KIF13B: variants seen among roughly 807,000 people sequenced by gnomAD.
KIF13B encodes the protein kinesin-like protein KIF13B.
Under a neutral mutation model 222.0 loss-of-function variants are expected in KIF13B, and 127 were observed. That is an observed-to-expected ratio of 0.57 (90% CI 0.50 to 0.66). The LOEUF (loss-of-function observed/expected upper bound fraction) is 0.66. KIF13B is among the 30% of genes least tolerant of loss of function. KIF13B has a pLI of 0.00. For synonymous variants in KIF13B, 976 were observed against 919.0 expected, an observed-to-expected ratio of 1.06 and a Z score of -1.12; for missense variants, 2,173 against 2,379.0, an observed-to-expected ratio of 0.91 and a Z score of 1.80.
At chr8:29,163,406 A>T (rs989650754) in intron 12 of KIF13B, among the ~76,000 whole-genome samples, 4 of 152,208 alleles carry the variant, frequency 2.6e-5, no homozygotes, top group Non-Finnish European at 1.5e-5. Context: ...GGACCCATGG[A>T]GAACCCAGCT....
chr8:29,134,440 T>C (rs1586823931), intron 21 of KIF13B, among the ~76,000 whole-genome samples: 1 of 152,172 alleles, frequency 6.6e-6, no homozygotes, highest in Non-Finnish European at 1.5e-5. Context: ...ACTACAGAGG[T>C]GGACGTTGTA....
rs1420894873 is a variant in KIF13B at position 29,132,357 on chromosome 8, G to C, written c.2893C>G (p.Leu965Val). 3 of 1,591,654 alleles carry C rather than the reference G, an allele frequency of 1.9e-6. No homozygotes were observed. Among genetic ancestry groups the C allele is most frequent in the African/African-American group, 2.7e-5 (2 of 73,696 alleles). Residue 965 changes from leucine (L) to valine (V), a missense_variant, in exon 23 of 40, where the codon CTG becomes GTG. Physicochemically the swap from Leu to Val is conservative, Grantham distance 32. This residue lies in a region of KIF13B where 1,480 missense variants were observed against 1,722.8 expected (regional missense o/e 0.86). Coordinates refer to ENST00000524189, the MANE Select transcript of KIF13B (RefSeq NM_015254.4). ...GCTTGGATGATTCCCAAATCCCACAGGGCGGGGTTTTTCCGGGGATCGTTT... is the reference window on the plus strand; with the variant it reads ...GCTTGGATGATTCCCAAATCCCACACGGCGGGGTTTTTCCGGGGATCGTTT... ...KINDPRKNPA[L>V]WDLGIIQAKT...
intron 1 of KIF13B, among the ~76,000 whole-genome samples, chr8:29,257,981 T>C (rs1385219082): frequency 6.6e-6 from 1 of 152,232 alleles, no homozygotes; most frequent in Admixed American, 6.5e-5. Flanking sequence ...AATGTTGTAA[T>C]ACATGTGTGT....
intron 25 of KIF13B, among the ~76,000 whole-genome samples, chr8:29,126,895 G>T (rs992211252): frequency 3.3e-5 from 5 of 152,114 alleles, no homozygotes; most frequent in African/African-American, 1.2e-4. Context: ...ATCTATGAAG[G>T]CTGAGACGTT....
At chr8:29,199,119 A>G (rs1813572164) in intron 2 of KIF13B, among the ~76,000 whole-genome samples, 1 of 148,118 alleles carries the variant, frequency 6.8e-6, no homozygotes, top group Non-Finnish European at 1.5e-5. Context: ...CGAAAATTAA[A>G]AAAAAAAGAC....
At chr8:29,243,114 A>C (rs1274914019) in intron 2 of KIF13B, among the ~76,000 whole-genome samples, 1 of 152,124 alleles carries the variant, frequency 6.6e-6, no homozygotes, top group Non-Finnish European at 1.5e-5. Context: ...TGGGAGGCAA[A>C]GGCAGGCGGA....
intron 2 of KIF13B, among the ~76,000 whole-genome samples, chr8:29,211,547 G>C (rs1321140661): frequency 2.0e-5 from 3 of 152,238 alleles, no homozygotes; most frequent in Non-Finnish European, 4.4e-5. Context: ...AAGCAATGCA[G>C]AGGGAGAACT....
rs912108136 is a variant in KIF13B, at chr8:29,122,549, A to C, written c.3535+42T>G. On this transcript the variant is annotated intron_variant, in intron 29 of 39. Coordinates refer to ENST00000524189, the MANE Select transcript of KIF13B (RefSeq NM_015254.4). ...GAATCTACATGTTATGTAGGCACTA[A>C]ATTTTCAGAGGTAAGCCTTCAGAAA... 1.9e-6 allele frequency: 3 copies of C among 1,542,594 alleles called. No homozygotes were observed. In the African/African-American group the frequency reaches 4.1e-5, roughly 21 times the overall value.
rs576152038 is a variant in KIF13B, at chr8:29,169,241, T to C, written c.946-1656A>G. ...TGTGAGTTCGATTTATCACAGAGCC[T>C]GGTTTTATCGGTGAGAAAACAGGTT... On this transcript the variant is annotated intron_variant, in intron 10 of 39. Coordinates refer to ENST00000524189, the MANE Select transcript of KIF13B (RefSeq NM_015254.4). Among the ~76,000 whole-genome samples the C allele has an allele frequency of 2.6e-5, 4 of 152,364 alleles. No individual in the cohort carries two copies. The South Asian group carries it at 8.3e-4, about 32-fold the overall frequency.
upstream of KIF13B, chr8:29,263,183 C>G (rs1462250624): frequency 3.0e-6 from 2 of 657,580 alleles, no homozygotes; most frequent in South Asian, 4.2e-5. Flanking sequence ...GGGCGCTCCC[C>G]GCTGTATGGC....
chr8:29,071,621 T>C lies in KIF13B; in HGVS notation c.5217A>G (p.Ser1739=). The change falls in exon 39 of 40, where the codon TCA becomes TCG. Residue 1739 remains serine, a splice_region_variant and synonymous_variant. Coordinates refer to ENST00000524189, the MANE Select transcript of KIF13B (RefSeq NM_015254.4). This position sits in a 1 kb window ranked among gnomAD's most constrained non-coding sequence, Gnocchi z 4.9. ...TWVGVELDLP[S]GKNDGSIGGK... is the part of the protein sequence containing the mutation. ...GAGCCCGGAGTGCCCGGTACCCACC[T>C]GAGGGCAGGTCGAGCTCCACGCCGA... 1 of 1,550,708 alleles carries C rather than the reference T, an allele frequency of 6.4e-7. No homozygotes were observed. The highest frequency in any genetic ancestry group is 8.7e-7 in the Non-Finnish European group (1 of 1,147,980).
intron 7 of KIF13B, among the ~76,000 whole-genome samples, chr8:29,180,531 A>G (rs552487054): frequency 6.6e-6 from 1 of 152,354 alleles, no homozygotes; most frequent in South Asian, 2.1e-4. Flanking sequence ...ACCAACCCTC[A>G]TCTAATATAG....
intron 2 of KIF13B, among the ~76,000 whole-genome samples, chr8:29,239,883 G>C (rs143713222): frequency 2.6e-5 from 4 of 151,764 alleles, no homozygotes; most frequent in African/African-American, 9.7e-5. Context: ...GGCTGGTTTC[G>C]AACTCCTGAC....
intron 7 of KIF13B, among the ~76,000 whole-genome samples, chr8:29,181,367 C>T (rs541415940): frequency 6.6e-6 from 1 of 152,274 alleles, no homozygotes; most frequent in Admixed American, 6.5e-5. Flanking sequence ...ACTGAAAGCA[C>T]CTACCATAGG....
chr8:29,130,794 G>A (rs1042156603), intron 23 of KIF13B, 129 bp from the exon 24 acceptor site: 35 of 783,966 alleles, frequency 4.5e-5, no homozygotes, highest in Non-Finnish European at 7.3e-5. Context: ...ATGATCTGTA[G>A]TTCAGTGAAT....
At chr8:29,191,095 T>C in intron 3 of KIF13B, 38 bp from the exon 4 acceptor site, 3 of 1,464,674 alleles carry the variant, frequency 2.0e-6, no homozygotes, top group Non-Finnish European at 2.8e-6. Flanking sequence ...TAAGAAAACC[T>C]CAACATTACT....
In KIF13B at chr8:29,071,636, C is replaced by G; in HGVS notation, c.5202G>C (p.Glu1734Asp). The part of the protein sequence containing the change: ...DFQEGTWVGV[E>D]LDLPSGKNDG... Reference sequence around the variant, plus strand: ...GGTACCCACCTGAGGGCAGGTCGAGCTCCACGCCGACCCACGTGCCCTCTT... The same window carrying G: ...GGTACCCACCTGAGGGCAGGTCGAGGTCCACGCCGACCCACGTGCCCTCTT... The change falls in exon 39 of 40, where the codon GAG becomes GAC. Residue 1734 changes from glutamate (E) to aspartate (D), a missense_variant. Transcript: ENST00000524189. The surrounding 1 kb of genome is among the most constrained non-coding windows in gnomAD (Gnocchi z 4.9). The G allele has an allele frequency of 6.4e-7, 1 of 1,553,514 alleles. No individual in the cohort carries two copies. Among genetic ancestry groups the G allele is most frequent in the Non-Finnish European group, 8.7e-7 (1 of 1,149,170 alleles).
chr8:29,203,498 C>T lies in KIF13B; in HGVS notation c.150-7299G>A, dbSNP rs118116904. Reference sequence around the variant, plus strand: ...GGGGAAAATAAAACCACTTCCACCACCATCCTCTGTCTCTAAAATCATGTC... The same window carrying T: ...GGGGAAAATAAAACCACTTCCACCATCATCCTCTGTCTCTAAAATCATGTC... On this transcript the variant is annotated intron_variant, in intron 2 of 39. Coordinates refer to ENST00000524189, the MANE Select transcript of KIF13B (RefSeq NM_015254.4). Among the ~76,000 whole-genome samples, 1,011 of 152,356 alleles carry T rather than the reference C, an allele frequency of 6.6e-3. 5 individuals are homozygous for T. The highest frequency in any genetic ancestry group is 0.017 in the Middle Eastern group (5 of 294).
intron 1 of KIF13B, among the ~76,000 whole-genome samples, chr8:29,249,328 G>C (rs1361965969): frequency 1.3e-5 from 2 of 151,736 alleles, no homozygotes; most frequent in African/African-American, 4.8e-5. Flanking sequence ...TACTCGAGAG[G>C]CTGAGGCACG....
Sources: gnomAD v4.1 joint callset for allele counts (sites outside exome capture counted in the v4.1 genomes callset) on GRCh38, gnomAD v4.1.1 for gene constraint, gnomAD v4.1.1 regional missense constraint, Gnocchi (gnomAD v3.1) non-coding constraint, MANE v1.5 for transcripts, NCBI Gene and HGNC (gene_info 2026-07-23, HGNC 2026-07-21) for gene names.